Variants in PKD2L1 observed in about 807,000 individuals in gnomAD.
PKD2L1 encodes polycystin-2-like protein 1.
Under a neutral mutation model 93.0 loss-of-function variants are expected in PKD2L1, and 77 were observed. The ratio of observed to expected loss-of-function variants is 0.83; its 90% CI spans 0.69 to 1.00. The LOEUF (loss-of-function observed/expected upper bound fraction) is 1.00, where lower values mean the gene tolerates loss of function less well. Among genes scored for constraint, PKD2L1 ranks in the 50% least tolerant of loss-of-function variants. PKD2L1 has a pLI of 0.00. For synonymous variants in PKD2L1, 390 were observed against 388.0 expected, an observed-to-expected ratio of 1.01 and a Z score of -0.06; for missense variants, 977 against 990.9, an observed-to-expected ratio of 0.99 and a Z score of 0.19.
At chr10:100,289,963 T>C in intron 14 of PKD2L1, 52 bp downstream of exon 14, 1 of 1,609,564 alleles carries the variant, frequency 6.2e-7, no homozygotes, top group Non-Finnish European at 8.5e-7. Flanking sequence ...GTGGAAAAGA[T>C]GGCAGAGTTC....
chr10:100,298,828 C>A lies in PKD2L1; in HGVS notation c.478-13G>T. On this transcript the variant is annotated splice_polypyrimidine_tract_variant and intron_variant, in intron 3 of 15. Transcript: ENST00000318222. Reference sequence around the variant, plus strand: ...GGCCCTGGGCAAACTGAACCACAAGCTGGCTTGAACCTTACCCAGCCTCCT... The same window carrying A: ...GGCCCTGGGCAAACTGAACCACAAGATGGCTTGAACCTTACCCAGCCTCCT... The A allele has an allele frequency of 6.2e-7, 1 of 1,604,086 alleles. No homozygotes were observed. Among genetic ancestry groups the A allele is most frequent in the Non-Finnish European group, 8.5e-7 (1 of 1,173,738 alleles).
At chr10:100,298,458 CT>C in intron 4 of PKD2L1, 103 bp downstream of exon 4, 10 of 1,200,872 alleles carry the variant, frequency 8.3e-6, no homozygotes, top group Non-Finnish European at 1.1e-5. Flanking sequence ...CCTTAAAGAG[CT>C]CTGAGGCTCT....
At chr10:100,307,053 G>A (rs193022963) in intron 2 of PKD2L1, among the ~76,000 whole-genome samples, 44 of 152,070 alleles carry the variant, frequency 2.9e-4, no homozygotes, top group Non-Finnish European at 5.3e-4. Context: ...AAAGATTTCC[G>A]AATCTGACAG....
intron 2 of PKD2L1, among the ~76,000 whole-genome samples, chr10:100,313,066 G>A (rs1848968837): frequency 6.6e-6 from 1 of 152,108 alleles, no homozygotes; most frequent in South Asian, 2.1e-4. Flanking sequence ...GGATTTTTCT[G>A]GCTGATGAGG....
chr10:100,315,934 T>C (rs1053377797), intron 2 of PKD2L1, among the ~76,000 whole-genome samples: 2 of 152,148 alleles, frequency 1.3e-5, no homozygotes, highest in Non-Finnish European at 1.5e-5. Context: ...AAAAACAGTT[T>C]TAACACTGTT....
chr10:100,302,791 C>T (rs1421863016), intron 2 of PKD2L1, among the ~76,000 whole-genome samples: 1 of 152,100 alleles, frequency 6.6e-6, no homozygotes, highest in Non-Finnish European at 1.5e-5. Context: ...GAAAGCTAAT[C>T]CTGGACCATA....
chr10:100,296,721 G>A (rs1371063168), intron 6 of PKD2L1, among the ~76,000 whole-genome samples: 1 of 151,622 alleles, frequency 6.6e-6, no homozygotes, highest in Non-Finnish European at 1.5e-5. Context: ...CAAGAGAGGA[G>A]CAGAATATAG....
At chr10:100,292,031 T>G (rs1010064273) in intron 11 of PKD2L1, among the ~76,000 whole-genome samples, 3 of 151,898 alleles carry the variant, frequency 2.0e-5, no homozygotes, top group African/African-American at 7.3e-5. Flanking sequence ...CTTCCTCTGC[T>G]TGTCCACTTG....
chr10:100,315,007 GAA>G (rs370496497), intron 2 of PKD2L1, among the ~76,000 whole-genome samples: 1 of 10,628 alleles, frequency 9.4e-5, no homozygotes, highest in Non-Finnish European at 1.4e-4. Context: ...AGGAAGGAAG[GAA>G]GGAAGGGAAG....
In PKD2L1 at chr10:100,296,269, G is replaced by A. The variant is rs768886570; in HGVS notation, c.1209C>T (p.Phe403=). The change falls in exon 7 of 16, where the codon TTC becomes TTT. Residue 403 remains phenylalanine, a synonymous_variant. Transcript: ENST00000318222. ...VILLSIVAVG[F]HIFRTLEVNR... ...TCACCTCGAGGGTTCGGAATATGTG[G>A]AAGCCCACAGCCACAATGGAGAGCT... The A allele has an allele frequency of 6.2e-7, 1 of 1,601,614 alleles. No individual in the cohort carries two copies.
chr10:100,301,246 A>G (rs982913205), intron 2 of PKD2L1, among the ~76,000 whole-genome samples: 2 of 152,186 alleles, frequency 1.3e-5, no homozygotes, highest in Admixed American at 6.5e-5. Context: ...TAGAATCACT[A>G]ATGAACTTCC....
intron 2 of PKD2L1, among the ~76,000 whole-genome samples, chr10:100,315,095 GGAAGGGAAGGGAAGGGAAGGGAAGA>G (rs1849066989): frequency 1.8e-5 from 2 of 113,544 alleles, no homozygotes; most frequent in Admixed American, 9.0e-5. Flanking sequence ...GGAAGGGAAG[GGAAGGGAAGGGAAGGGAAGGGAAGA>G]GAAAACAGTT....
Position 100,297,498 on chromosome 10 carries a change from AC to A in PKD2L1, c.839del (p.Gly280ValfsTer39). The A allele has an allele frequency of 6.2e-7, 1 of 1,614,078 alleles. No homozygotes were observed. Among genetic ancestry groups the A allele is most frequent in the Non-Finnish European group, 8.5e-7 (1 of 1,179,988 alleles). On this transcript the variant is annotated frameshift_variant, in exon 5 of 16. Transcript: ENST00000318222. LOFTEE classifies it high-confidence loss of function. The part of the protein sequence containing the change: ...YYLDLPGSRQ[G>X]SAEALRALQE... ...GAAGGGCCCGGAGAGCCTCTGCACT[AC>A]CCTGTCGGGATCCTGGAAGGTCCAG...
At chr10:100,294,513 C>T in intron 9 of PKD2L1, 22 bp downstream of exon 9, 1 of 1,613,836 alleles carries the variant, frequency 6.2e-7, no homozygotes, top group Non-Finnish European at 8.5e-7. Context: ...TCTATGTCCC[C>T]ACCCCTCAGA....
intron 2 of PKD2L1, among the ~76,000 whole-genome samples, chr10:100,321,541 G>T (rs1304719321): frequency 1.3e-5 from 2 of 148,594 alleles, no homozygotes; most frequent in Non-Finnish European, 3.0e-5. Context: ...GGGTGTGGTG[G>T]TGTGTCCCTG....
chr10:100,317,955 C>T (rs1319941470), intron 2 of PKD2L1, among the ~76,000 whole-genome samples: 2 of 152,084 alleles, frequency 1.3e-5, no homozygotes, highest in African/African-American at 2.4e-5. Flanking sequence ...TGGTGCGTAC[C>T]TGTAATCCCA....
intron 2 of PKD2L1, among the ~76,000 whole-genome samples, chr10:100,307,650 A>G (rs1848835257): frequency 1.3e-5 from 2 of 152,194 alleles, no homozygotes; most frequent in Admixed American, 1.3e-4. Flanking sequence ...ACAGAGTGAG[A>G]CACTGCCTCA....
rs1564879343 is a variant in PKD2L1 at position 100,291,436 on chromosome 10, A to C, written c.1881-9T>G. On this transcript the variant is annotated splice_polypyrimidine_tract_variant and intron_variant, in intron 11 of 15. Transcript: ENST00000318222. Reference sequence around the variant, plus strand: ...GCTCTGCGTGTCCCAGTCTGAGAAGAGGATGATGAAATGATTTCTGCCCAG... The same window carrying C: ...GCTCTGCGTGTCCCAGTCTGAGAAGCGGATGATGAAATGATTTCTGCCCAG... The C allele has an allele frequency of 1.2e-6, 2 of 1,613,730 alleles. No individual in the cohort carries two copies. The highest frequency in any genetic ancestry group is 2.2e-5 in the South Asian group (2 of 91,062).
At chr10:100,317,939 G>T (rs1472096097) in intron 2 of PKD2L1, among the ~76,000 whole-genome samples, 1 of 152,142 alleles carries the variant, frequency 6.6e-6, no homozygotes, top group Non-Finnish European at 1.5e-5. Context: ...AATTAGCTGG[G>T]TGTGGTGGTG....
Sources: allele counts gnomAD v4.1 joint callset (sites outside exome capture counted in the v4.1 genomes callset), GRCh38; gene constraint gnomAD v4.1.1; transcripts MANE v1.5; gene names NCBI Gene and HGNC (gene_info 2026-07-23, HGNC 2026-07-21).